The following CENPP variants were observed in gnomAD, a reference collection of about 807,000 sequenced individuals.
The protein encoded by CENPP is centromere protein P.
CENPP carries 24 observed loss-of-function variants against 35.6 expected under a neutral mutation model. The observed-to-expected ratio is 0.67, with a 90% CI of 0.49 to 0.95. The LOEUF (loss-of-function observed/expected upper bound fraction) is 0.95, where lower values mean the gene tolerates loss of function less well. Ranked by LOEUF, CENPP falls within the 40% of genes least tolerant of loss-of-function variation. The pLI, the probability that CENPP is intolerant of heterozygous loss-of-function variation, is 0.00. For synonymous variants in CENPP, 120 were observed against 125.5 expected (o/e 0.96, Z 0.29); for missense variants, 332 against 345.3 (o/e 0.96, Z 0.31).
At chr9:92,567,391 T>G (rs906244992) in intron 5 of CENPP, among the ~76,000 whole-genome samples, 5 of 98,396 alleles carry the variant, frequency 5.1e-5, no homozygotes, top group African/African-American at 1.1e-4. Context: ...TATATATATA[T>G]ATATAGATAT....
intron 5 of CENPP, chr9:92,403,396 CAG>C (rs1843200734): frequency 1.2e-6 from 2 of 1,602,682 alleles, no homozygotes; most frequent in East Asian, 4.5e-5. Context: ...GTGTAGACTG[CAG>C]AGTCTTCATT....
intron 5 of CENPP, among the ~76,000 whole-genome samples, chr9:92,595,269 TCTCA>T: frequency 6.6e-6 from 1 of 152,294 alleles, no homozygotes; most frequent in Non-Finnish European, 1.5e-5. Flanking sequence ...GGAGATAAGA[TCTCA>T]CTCTCTCATC....
intron 5 of CENPP, among the ~76,000 whole-genome samples, chr9:92,535,661 TTAA>T (rs555360427): frequency 1.3e-3 from 193 of 152,254 alleles, no homozygotes; most frequent in Non-Finnish European, 2.3e-3. Flanking sequence ...GACTTAAAAA[TTAA>T]TAATATTTTC....
intron 5 of CENPP, among the ~76,000 whole-genome samples, chr9:92,461,515 T>C (rs997916670): frequency 2.6e-5 from 4 of 152,210 alleles, no homozygotes; most frequent in African/African-American, 7.2e-5. Context: ...TATTAATTTG[T>C]TTGAGACACT....
At chr9:92,459,759 C>T (rs1318171937) in intron 5 of CENPP, 2 of 1,613,358 alleles carry the variant, frequency 1.2e-6, no homozygotes, top group African/African-American at 1.3e-5. Flanking sequence ...TTTGTTGTTT[C>T]CTAGGCCCAG....
At chr9:92,369,498 C>T (rs1319589364) in intron 4 of CENPP, among the ~76,000 whole-genome samples, 1 of 152,104 alleles carries the variant, frequency 6.6e-6, no homozygotes, top group Non-Finnish European at 1.5e-5. Context: ...TTGAAAAACT[C>T]ACTCAAGGGC....
chr9:92,605,411 G>A (rs76550755), intron 5 of CENPP, among the ~76,000 whole-genome samples: 19 of 151,834 alleles, frequency 1.3e-4, no homozygotes, highest in Admixed American at 4.6e-4. Flanking sequence ...AGTTACTGAG[G>A]AGTCTAGGGT....
At position 92,415,136 on chromosome 9, in the gene CENPP, C is replaced by G. The variant is rs1238201648; in HGVS notation, c.564+35277C>G. On this transcript the variant is annotated intron_variant, in intron 5 of 7. Coordinates refer to ENST00000375587, the MANE Select transcript of CENPP (RefSeq NM_001012267.3). ...GGTTTTGTGAAGTCGTAAGTGTATA[C>G]CTATATAGTTTCTTGCTATTCTTGA... The G allele has an allele frequency of 8.2e-6, 13 of 1,584,100 alleles. No homozygotes were observed. The South Asian group carries it at 1.5e-4, about 19-fold the overall frequency.
chr9:92,503,275 T>G (rs1035263973), intron 5 of CENPP, among the ~76,000 whole-genome samples: 5 of 152,198 alleles, frequency 3.3e-5, no homozygotes, highest in Non-Finnish European at 5.9e-5. Context: ...GCTTAAAAAC[T>G]CTGAAAAGTA....
At chr9:92,533,321 A>T (rs1563991344) in intron 5 of CENPP, among the ~76,000 whole-genome samples, 1 of 100,766 alleles carries the variant, frequency 9.9e-6, no homozygotes, top group African/African-American at 3.8e-5. Context: ...AAAAAAAAAA[A>T]AAAAAAAATA....
At chr9:92,333,626 T>G (rs1199910368) in intron 2 of CENPP, among the ~76,000 whole-genome samples, 1 of 152,204 alleles carries the variant, frequency 6.6e-6, no homozygotes, top group Non-Finnish European at 1.5e-5. Context: ...TAAGTAGTTA[T>G]AGGAGTTTCT....
intron 5 of CENPP, among the ~76,000 whole-genome samples, chr9:92,531,436 T>C (rs1016047892): frequency 6.6e-6 from 1 of 152,214 alleles, no homozygotes; most frequent in African/African-American, 2.4e-5. Flanking sequence ...TTTAATTATA[T>C]ATGTATTTTT....
At chr9:92,457,864 T>G (rs78418761) in intron 5 of CENPP, among the ~76,000 whole-genome samples, 303 of 152,324 alleles carry the variant, frequency 2.0e-3, no homozygotes, top group African/African-American at 7.0e-3. Context: ...TTTTTAAATA[T>G]ACATATTTAT....
At chr9:92,352,262 C>T (rs1195326594) in intron 4 of CENPP, among the ~76,000 whole-genome samples, 3 of 149,018 alleles carry the variant, frequency 2.0e-5, no homozygotes, top group African/African-American at 7.4e-5. Context: ...CCCAGCCACT[C>T]GGGAGGCTGA....
At chr9:92,418,731 G>A (rs1338881662) in intron 5 of CENPP, among the ~76,000 whole-genome samples, 1 of 152,102 alleles carries the variant, frequency 6.6e-6, no homozygotes, top group Admixed American at 6.5e-5. Flanking sequence ...TCCCTTTTGT[G>A]TGATAACTTC....
Position 92,593,043 on chromosome 9 carries a change from G to C in CENPP, c.565-18271G>C, listed in dbSNP as rs898082000. On this transcript the variant is annotated intron_variant, in intron 5 of 7. Transcript: ENST00000375587. The surrounding 1 kb of genome is among the most constrained non-coding windows in gnomAD (Gnocchi z 4.1). Reference sequence around the variant, plus strand: ...TGGAGTAGCTCAGACAACCAGAGCTGCTGGCCCCAGGGCTGGAGGCTTCTC... The same window carrying C: ...TGGAGTAGCTCAGACAACCAGAGCTCCTGGCCCCAGGGCTGGAGGCTTCTC... Among the ~76,000 whole-genome samples, 5 of 152,228 alleles carry C rather than the reference G, an allele frequency of 3.3e-5. No homozygotes were observed. The highest frequency in any genetic ancestry group is 1.2e-4 in the African/African-American group (5 of 41,450).
intron 5 of CENPP, among the ~76,000 whole-genome samples, chr9:92,468,804 A>T (rs1845407050): frequency 6.6e-6 from 1 of 152,088 alleles, no homozygotes; most frequent in African/African-American, 2.4e-5. Flanking sequence ...CTTTCCCTCC[A>T]TTGCTCTACA....
intron 5 of CENPP, among the ~76,000 whole-genome samples, chr9:92,603,110 C>T (rs79347901): frequency 6.1e-4 from 93 of 152,274 alleles, no homozygotes; most frequent in Middle Eastern, 6.8e-3. Flanking sequence ...TGTAAAAACA[C>T]GACTGAGGCT....
intron 5 of CENPP, among the ~76,000 whole-genome samples, chr9:92,588,312 G>A (rs975781762): frequency 5.9e-5 from 9 of 151,560 alleles, no homozygotes; most frequent in Admixed American, 3.9e-4. Context: ...GCAGTGGCGC[G>A]ATCTCGGCTC....
Sources: gnomAD v4.1 joint callset for allele counts (sites outside exome capture counted in the v4.1 genomes callset) on GRCh38, gnomAD v4.1.1 for gene constraint, Gnocchi (gnomAD v3.1) non-coding constraint, MANE v1.5 for transcripts, NCBI Gene and HGNC (gene_info 2026-07-23, HGNC 2026-07-21) for gene names.